Variants in ANKRD34B observed in about 807,000 individuals in gnomAD.
The protein encoded by ANKRD34B is ankyrin repeat domain 34B, also known as ankyrin repeat domain-containing protein 34B.
Under a neutral mutation model 4.4 loss-of-function variants are expected in ANKRD34B, and 2 were observed. The observed-to-expected ratio is 0.46, with a 90% CI of 0.19 to 1.44. The LOEUF is 1.44. Ranked by LOEUF, ANKRD34B falls within the 40% of genes most tolerant of loss-of-function variation. The pLI is 0.26. For missense variants in ANKRD34B, 558 were observed against 604.7 expected (o/e 0.92, Z 0.81); for synonymous variants, 226 against 227.1 (o/e 0.99, Z 0.05).
intron 4 of ANKRD34B, among the ~76,000 whole-genome samples, chr5:80,560,962 G>A (rs1427215770): frequency 6.6e-6 from 1 of 152,076 alleles, no homozygotes; most frequent in Non-Finnish European, 1.5e-5. Context: ...ATGTGATTAC[G>A]CATTTCTCTT....
At position 80,559,409 on chromosome 5, in the gene ANKRD34B, G is replaced by A. The variant is rs147746790; in HGVS notation, c.611C>T (p.Thr204Met). Reference protein sequence around the residue: ...ASSPLSHSSETELTLFGFKDL... With the variant: ...ASSPLSHSSEMELTLFGFKDL... ...TTTAAAGCCAAAAAGCGTCAGTTCCGTTTCAGAAGAATGTGAAAGTGGCGA... is the reference window on the plus strand; with the variant it reads ...TTTAAAGCCAAAAAGCGTCAGTTCCATTTCAGAAGAATGTGAAAGTGGCGA... The change falls in exon 5 of 5, where the codon ACG becomes ATG. Residue 204 changes from threonine (T) to methionine (M), a missense_variant. Transcript: ENST00000338682. 167 of 1,614,180 alleles carry A rather than the reference G, an allele frequency of 1.0e-4. No homozygotes were observed. In the Admixed American group the frequency reaches 1.2e-3, roughly 12 times the overall value.
At position 80,558,155 on chromosome 5, in the gene ANKRD34B, T is replaced by A. The variant is rs180942051; in HGVS notation, c.*320A>T. 1.3e-4 allele frequency: 22 copies of A among 168,076 alleles called. No homozygotes were observed. The highest frequency in any genetic ancestry group is 3.7e-4 in the Admixed American group (6 of 16,324). The allele number at this position is 168,076 out of a possible 1,614,324, so 10.4% of individuals were successfully genotyped here. On this transcript the variant is annotated 3_prime_UTR_variant, in exon 5 of 5. Coordinates refer to ENST00000338682, the MANE Select transcript of ANKRD34B (RefSeq NM_001004441.3). The stretch of plus-strand genomic sequence containing the variant: ...AATATTTAGCCAATCTGAAAATTTT[T>A]AAAAATTACCCCAACATACGTGGCC...
Position 80,559,258 on chromosome 5 carries a change from T to C in ANKRD34B, c.762A>G (p.Leu254=). ...HAPPWVKSPP[L]LMHQNRVASL... Reference sequence around the variant, plus strand: ...AAGCCACTCTGTTCTGGTGCATTAATAATGGGGGACTCTTGACCCAGGGTG... The same window carrying C: ...AAGCCACTCTGTTCTGGTGCATTAACAATGGGGGACTCTTGACCCAGGGTG... The change falls in exon 5 of 5, where the codon TTA becomes TTG. Residue 254 remains leucine (L), a synonymous_variant. Transcript: ENST00000338682. The C allele has an allele frequency of 2.5e-6, 4 of 1,614,176 alleles. No individual in the cohort carries two copies. Among genetic ancestry groups the C allele is most frequent in the Non-Finnish European group, 3.4e-6 (4 of 1,180,032 alleles).
intron 4 of ANKRD34B, among the ~76,000 whole-genome samples, chr5:80,562,182 AGGT>A (rs1253457418): frequency 6.6e-6 from 1 of 151,508 alleles, no homozygotes; most frequent in Non-Finnish European, 1.5e-5. Context: ...TTGCTACTTG[AGGT>A]GTGATCCTAC....
At chr5:80,567,292 TG>T (rs1236113821) in intron 2 of ANKRD34B, among the ~76,000 whole-genome samples, 1 of 152,060 alleles carries the variant, frequency 6.6e-6, no homozygotes, top group African/African-American at 2.4e-5. Flanking sequence ...TGTGGCTTTT[TG>T]TCCCCATGCC....
intron 2 of ANKRD34B, among the ~76,000 whole-genome samples, chr5:80,568,001 G>A (rs949094603): frequency 5.5e-4 from 83 of 152,246 alleles, no homozygotes; most frequent in Admixed American, 2.0e-4. Context: ...TAAAAGATCC[G>A]AACATACTTG....
At position 80,559,757 on chromosome 5, in the gene ANKRD34B, A is replaced by C. The variant is rs778209016; in HGVS notation, c.263T>G (p.Leu88Arg). ...AGCTTTTTCTAAGCAAGCATGCATC[A>C]GAGCCGTTTTCCCAGATTTGTCCTG... is the stretch of plus-strand genomic sequence containing the variant. ...NIQDKSGKTA[L>R]MHACLEKAGP... Residue 88 changes from leucine to arginine, a missense_variant, in exon 5 of 5, where the codon CTG (leucine) becomes CGG (arginine). Physicochemically the swap from Leu to Arg is moderately radical, Grantham distance 102. Coordinates refer to ENST00000338682, the MANE Select transcript of ANKRD34B (RefSeq NM_001004441.3). 4 of 1,614,130 alleles carry C rather than the reference A, an allele frequency of 2.5e-6. No homozygotes were observed. In the East Asian group the frequency reaches 6.7e-5, roughly 27 times the overall value.
At position 80,560,043 on chromosome 5, in the gene ANKRD34B, C is replaced by G; in HGVS notation, c.-23-1G>C. ...ATCTTCGGAGGTTAGAACTCAATAC[C>G]TGGTTATCAAAGATGGCAAAGACCA... On this transcript the variant is annotated splice_acceptor_variant, in intron 4 of 4. Coordinates refer to ENST00000338682, the MANE Select transcript of ANKRD34B (RefSeq NM_001004441.3). LOFTEE classifies it low-confidence loss of function (5UTR_SPLICE). 1 of 1,514,870 alleles carries G rather than the reference C, an allele frequency of 6.6e-7. No individual in the cohort carries two copies. The highest frequency in any genetic ancestry group is 1.8e-4 in the Middle Eastern group (1 of 5,656). The allele number at this position is 1,514,870 out of a possible 1,614,324, so 93.8% of individuals were successfully genotyped here. A position where few individuals can be genotyped will look rare whatever the true frequency, so the allele number is the denominator to read the frequency against.
chr5:80,559,026 T>A lies in ANKRD34B; in HGVS notation c.994A>T (p.Asn332Tyr), dbSNP rs766945472. ...ACAGGGACTTCAATGCATTGCTGAT[T>A]TCCTTCTGAAAGATAAGATTGACAA... ...INCQSYLSEG[N>Y]QQCIEVPVDQ... Residue 332 changes from asparagine (N) to tyrosine (Y), a missense_variant, in exon 5 of 5, where the codon AAT becomes TAT. Coordinates refer to ENST00000338682, the MANE Select transcript of ANKRD34B (RefSeq NM_001004441.3). 25 of 1,614,222 alleles carry A rather than the reference T, an allele frequency of 1.5e-5. No individual in the cohort carries two copies. Among genetic ancestry groups the A allele is most frequent in the Non-Finnish European group, 2.0e-5 (24 of 1,180,042 alleles).
intron 4 of ANKRD34B, among the ~76,000 whole-genome samples, chr5:80,562,608 C>G (rs775365680): frequency 6.6e-6 from 1 of 152,206 alleles, no homozygotes; most frequent in Non-Finnish European, 1.5e-5. Flanking sequence ...CTATAGTGTT[C>G]TCTCAAGAAT....
In ANKRD34B at chr5:80,560,257, A is replaced by T. The variant is rs11949130; in HGVS notation, c.-23-215T>A. On this transcript the variant is annotated intron_variant, in intron 4 of 4. Coordinates refer to ENST00000338682, the MANE Select transcript of ANKRD34B (RefSeq NM_001004441.3). ...TTACAAATTAAAATTTATTTTCAAA[A>T]TCTTCATTGAATATTTATAGCACCA... 8.7e-3 allele frequency among the ~76,000 whole-genome samples: 1,320 copies of T among 152,326 alleles called. 16 individuals carry two copies. Among genetic ancestry groups the T allele is most frequent in the African/African-American group, 0.03 (1,251 of 41,562 alleles).
Position 80,559,266 on chromosome 5 carries a change from G to C in ANKRD34B, c.754C>G (p.Pro252Ala), listed in dbSNP as rs770454995. 3.1e-6 allele frequency: 5 copies of C among 1,614,170 alleles called. No individual in the cohort carries two copies. The South Asian group carries it at 5.5e-5, about 18-fold the overall frequency. The part of the protein sequence containing the change: ...LPHAPPWVKS[P>A]PLLMHQNRVA... Reference sequence around the variant, plus strand: ...CTGTTCTGGTGCATTAATAATGGGGGACTCTTGACCCAGGGTGGAGCGTGG... The same window carrying C: ...CTGTTCTGGTGCATTAATAATGGGGCACTCTTGACCCAGGGTGGAGCGTGG... Residue 252 changes from proline (P) to alanine (A), a missense_variant, in exon 5 of 5, where the codon CCC becomes GCC. Transcript: ENST00000338682.
In ANKRD34B at chr5:80,559,202, G is replaced by A; in HGVS notation, c.818C>T (p.Pro273Leu). The A allele has an allele frequency of 6.2e-7, 1 of 1,614,136 alleles. No individual in the cohort carries two copies. Among genetic ancestry groups the A allele is most frequent in the South Asian group, 1.1e-5 (1 of 91,082 alleles). The change falls in exon 5 of 5, where the codon CCA becomes CTA. Residue 273 changes from proline (P) to leucine (L), a missense_variant. By Grantham distance (98) the Pro-to-Leu change is moderately conservative. Transcript: ENST00000338682. ...GGTTTTATAGGATAGTTCTTCCTCT[G>A]GTGTAATATCCTGGAGCTCCTCTTG... is the stretch of plus-strand genomic sequence containing the variant. The part of the protein sequence containing the change: ...SLQEELQDIT[P>L]EEELSYKTNG...
chr5:80,564,007 A>C (rs1457211239), intron 3 of ANKRD34B, among the ~76,000 whole-genome samples, 192 bp from the exon 4 acceptor site: 1 of 152,214 alleles, frequency 6.6e-6, no homozygotes, highest in Non-Finnish European at 1.5e-5. Flanking sequence ...TTGTTTGACC[A>C]AAAGTAGCAT....
rs77271729 is a variant in ANKRD34B at position 80,568,260 on chromosome 5, C to T, written c.-191+700G>A. Among the ~76,000 whole-genome samples, 698 of 152,338 alleles carry T rather than the reference C, an allele frequency of 4.6e-3. 29 individuals carry two copies. The East Asian group carries it at 0.091, about 20-fold the overall frequency. ...ACTTGGAGAAAATCTGAGGCAAACT[C>T]TTCATTCCTCATTCCAGGCCACTTC... is the stretch of plus-strand genomic sequence containing the variant. On this transcript the variant is annotated intron_variant, in intron 2 of 4. Coordinates refer to ENST00000338682, the MANE Select transcript of ANKRD34B (RefSeq NM_001004441.3).
At chr5:80,560,857 T>C (rs528247805) in intron 4 of ANKRD34B, among the ~76,000 whole-genome samples, 1 of 152,212 alleles carries the variant, frequency 6.6e-6, no homozygotes, top group Non-Finnish European at 1.5e-5. Context: ...GACATTTTTA[T>C]GTTTCTTTTG....
intron 2 of ANKRD34B, 35 bp downstream of exon 2, chr5:80,568,925 C>CACAGAGAGAGAGAGAGAGAG: frequency 2.0e-4 from 10 of 49,850 alleles, no homozygotes; most frequent in Non-Finnish European, 7.8e-5. Flanking sequence ...CACACACACA[C>CACAGAGAGAGAGAGAGAGAG]AGAGAGAGAG....
In ANKRD34B at chr5:80,559,021, C is replaced by T. The variant is rs1304316337; in HGVS notation, c.999G>A (p.Gln333=). The T allele has an allele frequency of 1.3e-5, 21 of 1,614,176 alleles. No homozygotes were observed. Among genetic ancestry groups the T allele is most frequent in the Non-Finnish European group, 1.7e-5 (20 of 1,180,044 alleles). The change falls in exon 5 of 5, where the codon CAG becomes CAA. Residue 333 remains glutamine, a synonymous_variant. Coordinates refer to ENST00000338682, the MANE Select transcript of ANKRD34B (RefSeq NM_001004441.3). ...NCQSYLSEGN[Q]QCIEVPVDQD... The stretch of plus-strand genomic sequence containing the variant: ...GGTCAACAGGGACTTCAATGCATTG[C>T]TGATTTCCTTCTGAAAGATAAGATT...
chr5:80,567,560 G>A (rs747839870), intron 2 of ANKRD34B, among the ~76,000 whole-genome samples: 11 of 140,190 alleles, frequency 7.8e-5, no homozygotes, highest in Non-Finnish European at 1.5e-4. Flanking sequence ...GGCGGAGGTT[G>A]CAGTGAGCCG....
Sources: allele counts gnomAD v4.1 joint callset (sites outside exome capture counted in the v4.1 genomes callset), GRCh38; gene constraint gnomAD v4.1.1; transcripts MANE v1.5; gene names NCBI Gene and HGNC (gene_info 2026-07-23, HGNC 2026-07-21).